Variants in SGCD observed in about 807,000 individuals in gnomAD.
SGCD encodes sarcoglycan delta.
In SGCD, 18 loss-of-function variants were observed where a neutral mutation model predicts 36.6. The observed-to-expected ratio is 0.49, with a 90% CI of 0.34 to 0.73. The LOEUF (loss-of-function observed/expected upper bound fraction) is 0.73, where lower values mean the gene tolerates loss of function less well. Among genes scored for constraint, SGCD ranks in the 30% least tolerant of loss-of-function variants. The pLI is 0.01. For missense variants in SGCD, 387 were observed against 346.7 expected (o/e 1.12, Z -0.92); for synonymous variants, 133 against 130.6 (o/e 1.02, Z -0.12).
intron 3 of SGCD, among the ~76,000 whole-genome samples, chr5:156,246,439 T>C (rs1765441887): frequency 6.6e-6 from 1 of 152,134 alleles, no homozygotes; most frequent in African/African-American, 2.4e-5. Context: ...AATAAGGTTA[T>C]AGATTTTTTT....
chr5:156,647,437 C>T, intron 6 of SGCD, 27 bp from the exon 7 acceptor site: 21 of 1,531,456 alleles, frequency 1.4e-5, no homozygotes, highest in Non-Finnish European at 1.9e-5. Context: ...TCTCCAATCT[C>T]TGTTTGCTTT....
rs188837492 is a variant in SGCD at position 156,236,665 on chromosome 5, G to A, written c.-43-92869G>A. Among the ~76,000 whole-genome samples the A allele has an allele frequency of 4.6e-5, 7 of 152,050 alleles. 1 individual carries two copies. In the East Asian group the frequency reaches 9.7e-4, roughly 21 times the overall value. On this transcript the variant is annotated intron_variant, in intron 3 of 9. Transcript: ENST00000517913. Reference sequence around the variant, plus strand: ...GGGTTTCACCGTGTTAGCCAGGATGGTCTCGATCTCCTGACCTCGTGATCC... The same window carrying A: ...GGGTTTCACCGTGTTAGCCAGGATGATCTCGATCTCCTGACCTCGTGATCC...
At chr5:155,807,650 T>C in the SGCD span, among the ~76,000 whole-genome samples, 2 of 152,242 alleles carry the variant, frequency 1.3e-5, no homozygotes, top group South Asian at 4.1e-4. Context: ...GCCCATGAAA[T>C]ATTTCCTGGT....
intron 3 of SGCD, among the ~76,000 whole-genome samples, chr5:156,472,001 A>G (rs1240992410): frequency 6.6e-6 from 1 of 152,176 alleles, no homozygotes; most frequent in Non-Finnish European, 1.5e-5. Flanking sequence ...AATTAAGCAC[A>G]TGAAAATGTC....
chr5:156,711,197 G>A (rs992862584), intron 7 of SGCD, among the ~76,000 whole-genome samples: 2 of 152,130 alleles, frequency 1.3e-5, no homozygotes, highest in African/African-American at 4.8e-5. Flanking sequence ...CCTTGGTCAA[G>A]AGGGGGGGTC....
chr5:156,518,647 T>C (rs1757282692), intron 4 of SGCD, among the ~76,000 whole-genome samples: 1 of 152,124 alleles, frequency 6.6e-6, no homozygotes, highest in African/African-American at 2.4e-5. Context: ...ACTGAAATCA[T>C]AACAGTCTCT....
At chr5:155,868,333 T>C (rs1224386734), upstream of SGCD, among the ~76,000 whole-genome samples, 1 of 151,264 alleles carries the variant, frequency 6.6e-6, no homozygotes, top group Non-Finnish European at 1.5e-5. Context: ...ATTACAGGCA[T>C]GAGCTACTGT....
At chr5:155,762,987 A>G in the SGCD span, among the ~76,000 whole-genome samples, 1 of 152,200 alleles carries the variant, frequency 6.6e-6, no homozygotes, top group Non-Finnish European at 1.5e-5. Context: ...CTGAATTGAC[A>G]TTCTGGTCTT....
At chr5:156,067,829 C>T (rs1375328496) in intron 1 of SGCD, among the ~76,000 whole-genome samples, 8 of 140,178 alleles carry the variant, frequency 5.7e-5, no homozygotes, top group South Asian at 2.1e-4. Context: ...CACTGGCCTG[C>T]GCCCACTGTC....
At chr5:155,800,807 T>C in the SGCD span, among the ~76,000 whole-genome samples, 1 of 152,150 alleles carries the variant, frequency 6.6e-6, no homozygotes, top group Non-Finnish European at 1.5e-5. Context: ...TACGTTATCT[T>C]GAGTCTGTCC....
At chr5:155,862,744 T>G in the SGCD span, among the ~76,000 whole-genome samples, 1 of 152,240 alleles carries the variant, frequency 6.6e-6, no homozygotes, top group Non-Finnish European at 1.5e-5. Context: ...ATGTGTGATT[T>G]CCATCTTAAG....
chr5:155,967,718 G>A, intron 1 of SGCD, among the ~76,000 whole-genome samples: 1 of 152,004 alleles, frequency 6.6e-6, no homozygotes, highest in Non-Finnish European at 1.5e-5. Context: ...AAAACGTTCA[G>A]TAATGACTTC....
intron 3 of SGCD, chr5:156,458,315 A>T: frequency 1.1e-6 from 1 of 888,202 alleles, no homozygotes; most frequent in Admixed American, 2.5e-5. Flanking sequence ...TCACTTTGTA[A>T]CATGTTTATT....
intron 3 of SGCD, among the ~76,000 whole-genome samples, chr5:156,367,501 C>A: frequency 6.6e-6 from 1 of 152,162 alleles, no homozygotes; most frequent in East Asian, 1.9e-4. Context: ...GAAGTGTATT[C>A]AGATTCATTT....
At chr5:156,179,358 C>T (rs1005001799) in intron 3 of SGCD, among the ~76,000 whole-genome samples, 1 of 152,024 alleles carries the variant, frequency 6.6e-6, no homozygotes, top group African/African-American at 2.4e-5. Flanking sequence ...TACGGGTGTA[C>T]AATAAATTTA....
chr5:155,787,189 T>C, the SGCD span, among the ~76,000 whole-genome samples: 1 of 152,096 alleles, frequency 6.6e-6, no homozygotes. Context: ...TTAGGACATT[T>C]TACTCACCAT....
intron 6 of SGCD, among the ~76,000 whole-genome samples, chr5:156,619,962 C>T (rs1335555708): frequency 6.6e-6 from 1 of 152,154 alleles, no homozygotes; most frequent in Admixed American, 6.5e-5. Flanking sequence ...TTAATCCAAA[C>T]AAAGGAAGAA....
intron 3 of SGCD, among the ~76,000 whole-genome samples, chr5:156,457,067 C>T (rs954641434): frequency 2.0e-5 from 3 of 152,112 alleles, no homozygotes; most frequent in Non-Finnish European, 2.9e-5. Context: ...TTTACTAGAA[C>T]AGAAACCAAA....
intron 1 of SGCD, among the ~76,000 whole-genome samples, chr5:156,011,066 T>C (rs1758850628): frequency 6.6e-6 from 1 of 152,178 alleles, no homozygotes; most frequent in African/African-American, 2.4e-5. Context: ...ATGTTTACCA[T>C]TGTGGCTTTT....
Sources: gnomAD v4.1 joint callset for allele counts (sites outside exome capture counted in the v4.1 genomes callset) on GRCh38, gnomAD v4.1.1 for gene constraint, MANE v1.5 for transcripts, NCBI Gene and HGNC (gene_info 2026-07-23, HGNC 2026-07-21) for gene names.